The following ITPR1 variants were observed in gnomAD, a reference collection of about 807,000 sequenced individuals.
ITPR1 encodes inositol 1,4,5-trisphosphate receptor type 1.
In ITPR1, 96 loss-of-function variants were observed where a neutral mutation model predicts 318.4. The ratio of observed to expected loss-of-function variants is 0.30; its 90% confidence interval spans 0.26 to 0.36. The LOEUF is 0.36. Ranked by LOEUF, ITPR1 falls within the 10% of genes least tolerant of loss-of-function variation. The probability of loss-of-function intolerance (pLI) is 1.00; values close to 1 mark genes in which losing one functional copy is unlikely to be tolerated. For missense variants in ITPR1, 2,440 were observed against 3,460.2 expected (o/e 0.71, Z 7.40); for synonymous variants, 1,312 against 1,289.9 (o/e 1.02, Z -0.37).
Position 4,685,217 on chromosome 3 carries a change from C to T in ITPR1, c.3702+11C>T, listed in dbSNP as rs747231037. On this transcript the variant is annotated intron_variant, in intron 30 of 61. Coordinates refer to ENST00000649015, the MANE Select transcript of ITPR1 (RefSeq NM_001378452.1). Reference sequence around the variant, plus strand: ...ATTCCCTATGAGAAGGTGAGCGGTGCCTCATGCACAGCAGCTGCTCTCAGG... The same window carrying T: ...ATTCCCTATGAGAAGGTGAGCGGTGTCTCATGCACAGCAGCTGCTCTCAGG... 1.3e-5 allele frequency: 20 copies of T among 1,590,442 alleles called. No homozygotes were observed. The highest frequency in any genetic ancestry group is 1.5e-5 in the Non-Finnish European group (18 of 1,171,616).
At chr3:4,700,702 G>T (rs911501969) in intron 35 of ITPR1, among the ~76,000 whole-genome samples, 1 of 152,140 alleles carries the variant, frequency 6.6e-6, no homozygotes, top group African/African-American at 2.4e-5. Flanking sequence ...TGAGTGAGCT[G>T]ATGTCACCTG....
intron 4 of ITPR1, among the ~76,000 whole-genome samples, chr3:4,529,005 G>A (rs895914365): frequency 6.6e-6 from 1 of 152,188 alleles, no homozygotes; most frequent in Non-Finnish European, 1.5e-5. Flanking sequence ...GGTGCCTGCT[G>A]CCTGATTATG....
intron 4 of ITPR1, among the ~76,000 whole-genome samples, chr3:4,582,200 C>T (rs1028455981): frequency 2.0e-5 from 3 of 152,150 alleles, no homozygotes; most frequent in East Asian, 1.9e-4. Context: ...GGTTAGATAC[C>T]GCTTATTTTT....
intron 4 of ITPR1, among the ~76,000 whole-genome samples, chr3:4,541,020 G>A (rs888756177): frequency 2.0e-5 from 3 of 151,658 alleles, no homozygotes; most frequent in Non-Finnish European, 4.4e-5. Flanking sequence ...TAACCCTAAA[G>A]TTTATAACTA....
At chr3:4,598,164 C>T (rs566965698) in intron 4 of ITPR1, among the ~76,000 whole-genome samples, 1 of 152,216 alleles carries the variant, frequency 6.6e-6, no homozygotes, top group South Asian at 2.1e-4. Context: ...TCCTTCCCCT[C>T]TCCCCTGGTT....
rs186199126 is a variant in ITPR1, at chr3:4,646,659, G to T, written c.855+931G>T. Among the ~76,000 whole-genome samples, 36 of 152,242 alleles carry T rather than the reference G, an allele frequency of 2.4e-4. 1 individual carries two copies. In the South Asian group the frequency reaches 6.4e-3, roughly 27 times the overall value. ...CAACTTAAAGAAGCTAGAAGATTCT[G>T]CCCACAGCATGTAATTTGTTGTAAG... is the stretch of plus-strand genomic sequence containing the variant. On this transcript the variant is annotated intron_variant, in intron 10 of 61. Coordinates refer to ENST00000649015, the MANE Select transcript of ITPR1 (RefSeq NM_001378452.1).
intron 4 of ITPR1, among the ~76,000 whole-genome samples, chr3:4,584,144 T>C (rs2125056280): frequency 6.6e-6 from 1 of 152,284 alleles, no homozygotes; most frequent in African/African-American, 2.4e-5. Flanking sequence ...AAGCTCACAG[T>C]TTATTATTAT....
intron 4 of ITPR1, among the ~76,000 whole-genome samples, chr3:4,624,302 A>G (rs2092743648): frequency 6.6e-6 from 1 of 152,230 alleles, no homozygotes; most frequent in Non-Finnish European, 1.5e-5. Flanking sequence ...TGACTTAAAT[A>G]TCTTGAATAT....
rs878853172 is a variant in ITPR1 at position 4,670,904 on chromosome 3, C to T, written c.2182C>T (p.Arg728Ter). The T allele has an allele frequency of 2.5e-6, 4 of 1,593,742 alleles. No individual in the cohort carries two copies. The highest frequency in any genetic ancestry group is 3.4e-6 in the Non-Finnish European group (4 of 1,168,218). Residue 728 changes from arginine (R) to a stop codon, truncating the protein, a stop_gained, in exon 20 of 62, where the codon CGA (arginine) becomes TGA (stop). Coordinates refer to ENST00000649015, the MANE Select transcript of ITPR1 (RefSeq NM_001378452.1). LOFTEE classifies it high-confidence loss of function. The part of the protein sequence containing the change: ...QDAKEGQKED[R>*]DVLSYYRYQL... ...TGCTAAAGAAGGGCAGAAGGAGGAC[C>T]GAGACGTTCTCAGCTACTACAGGTG...
intron 42 of ITPR1, 85 bp downstream of exon 42, chr3:4,727,258 CA>C: frequency 1.0e-6 from 1 of 967,518 alleles, no homozygotes; most frequent in East Asian, 2.5e-5. Flanking sequence ...GATTGAGAGA[CA>C]GCTTTTGTTG....
intron 4 of ITPR1, among the ~76,000 whole-genome samples, chr3:4,617,699 A>G (rs1353663564): frequency 3.3e-5 from 5 of 152,154 alleles, no homozygotes; most frequent in Non-Finnish European, 7.3e-5. Context: ...AAATTGAAAT[A>G]TTGGCTGGGC....
At chr3:4,671,151 C>G (rs1469227450) in intron 20 of ITPR1, among the ~76,000 whole-genome samples, 1 of 152,166 alleles carries the variant, frequency 6.6e-6, no homozygotes. Context: ...TTGCCTCAGT[C>G]CCTGGTGATA....
chr3:4,745,441 G>A (rs1846436), intron 44 of ITPR1, among the ~76,000 whole-genome samples: 106,485 of 152,008 alleles, frequency 0.7, 37,493 homozygotes, highest in East Asian at 0.93. Context: ...CCCTCTGACC[G>A]TCCTACCCCA....
chr3:4,668,079 T>C (rs2093988804), intron 18 of ITPR1, among the ~76,000 whole-genome samples: 2 of 152,210 alleles, frequency 1.3e-5, no homozygotes, highest in African/African-American at 4.8e-5. Context: ...AATTCAGTTC[T>C]ATTCTTTTAG....
intron 39 of ITPR1, among the ~76,000 whole-genome samples, chr3:4,715,754 G>C (rs1356204805): frequency 6.6e-6 from 1 of 152,208 alleles, no homozygotes; most frequent in Non-Finnish European, 1.5e-5. Flanking sequence ...TTGGGAGGCT[G>C]AGGCAGGAGA....
chr3:4,591,393 T>C (rs2090387664), intron 4 of ITPR1, among the ~76,000 whole-genome samples: 1 of 152,180 alleles, frequency 6.6e-6, no homozygotes, highest in Non-Finnish European at 1.5e-5. Flanking sequence ...GCATCTGTTG[T>C]TTTTTGACTT....
chr3:4,693,277 G>C (rs1408491874), intron 32 of ITPR1, among the ~76,000 whole-genome samples: 1 of 152,170 alleles, frequency 6.6e-6, no homozygotes, highest in African/African-American at 2.4e-5. Flanking sequence ...GCTTTCTAGG[G>C]CCAGTGTGGT....
intron 4 of ITPR1, among the ~76,000 whole-genome samples, chr3:4,533,924 A>G (rs1161212673): frequency 6.6e-6 from 1 of 152,218 alleles, no homozygotes; most frequent in African/African-American, 2.4e-5. Context: ...AACAGCAGGC[A>G]TTCCAGTGAC....
chr3:4,512,411 A>G (rs2081904027), intron 2 of ITPR1, among the ~76,000 whole-genome samples: 1 of 152,174 alleles, frequency 6.6e-6, no homozygotes, highest in Non-Finnish European at 1.5e-5. Context: ...TCCAACTTTT[A>G]TTCCATGATT....
Sources: gnomAD v4.1 joint callset for allele counts (sites outside exome capture counted in the v4.1 genomes callset) on GRCh38, gnomAD v4.1.1 for gene constraint, MANE v1.5 for transcripts, NCBI Gene and HGNC (gene_info 2026-07-23, HGNC 2026-07-21) for gene names.